WNK4: variants seen among roughly 807,000 people sequenced by gnomAD.
WNK4 encodes the protein serine/threonine-protein kinase WNK4.
In WNK4, 94 loss-of-function variants were observed where a neutral mutation model predicts 116.2. The observed-to-expected ratio is 0.81, with a 90% CI of 0.68 to 0.96. The LOEUF (loss-of-function observed/expected upper bound fraction) is 0.96, where lower values mean the gene tolerates loss of function less well. WNK4 is among the 40% of genes least tolerant of loss of function. WNK4 has a pLI of 0.00. For synonymous variants in WNK4, 655 were observed against 672.7 expected, an observed-to-expected ratio of 0.97 and a Z score of 0.41; for missense variants, 1,542 against 1,650.6, an observed-to-expected ratio of 0.93 and a Z score of 1.14.
intron 8 of WNK4, 44 bp downstream of exon 8, chr17:42,787,943 A>G (rs1362429255): frequency 8.1e-6 from 13 of 1,608,062 alleles, no homozygotes; most frequent in Non-Finnish European, 1.1e-5. Flanking sequence ...TTCCAAGCCT[A>G]TGACCTATCT....
chr17:42,787,716 C>T, intron 7 of WNK4, 62 bp from the exon 8 acceptor site: 2 of 1,604,102 alleles, frequency 1.2e-6, no homozygotes, highest in Non-Finnish European at 1.7e-6. Flanking sequence ...TAGGCAGGCC[C>T]CATCCTCTGC....
At position 42,783,015 on chromosome 17, in the gene WNK4, T is replaced by C; in HGVS notation, c.791+85T>C. On this transcript the variant is annotated intron_variant, in intron 2 of 18. Transcript: ENST00000246914. ...CTGAACTCCCAGGCTCCTCAAACTC[T>C]CTAATATCCAGGTGTAAAACCAGGT... 3 of 1,533,042 alleles carry C rather than the reference T, an allele frequency of 2.0e-6. No individual in the cohort carries two copies. In the Admixed American group the frequency reaches 5.8e-5, roughly 29 times the overall value. 95.0% of individuals were successfully genotyped at this position (1,533,042 alleles called of 1,614,324 possible).
At chr17:42,794,440 G>A in intron 12 of WNK4, 174 bp from the exon 13 acceptor site, 1 of 686,998 alleles carries the variant, frequency 1.5e-6, no homozygotes. Flanking sequence ...GTAAGTTGCA[G>A]ACATCATGCC....
Position 42,788,155 on chromosome 17 carries a change from C to T in WNK4, c.1889C>T (p.Ser630Phe). Reference sequence around the variant, plus strand: ...GCTTTTGCCCTATCCATTCCACGTTCTGGCCCTGGAAGTGACTTTTCCCCC... The same window carrying T: ...GCTTTTGCCCTATCCATTCCACGTTTTGGCCCTGGAAGTGACTTTTCCCCC... ...PSAFALSIPR[S>F]GPGSDFSPGD... The change falls in exon 9 of 19, where the codon TCT becomes TTT. Residue 630 changes from serine to phenylalanine, a missense_variant. By Grantham distance (155) the Ser-to-Phe change is radical (BLOSUM62 -2). Transcript: ENST00000246914. 6.2e-7 allele frequency: 1 copy of T among 1,614,206 alleles called. No homozygotes were observed. Among genetic ancestry groups the T allele is most frequent in the Non-Finnish European group, 8.5e-7 (1 of 1,180,048 alleles).
chr17:42,788,076 C>G, intron 8 of WNK4, 54 bp from the exon 9 acceptor site: 2 of 1,606,384 alleles, frequency 1.2e-6, no homozygotes, highest in South Asian at 2.2e-5. Context: ...CACCATCTCC[C>G]TAGATCTCAA....
rs1250472784 is a variant in WNK4, at chr17:42,784,572, T to G, written c.1163T>G (p.Val388Gly). The G allele has an allele frequency of 6.2e-7, 1 of 1,613,890 alleles. No individual in the cohort carries two copies. The highest frequency in any genetic ancestry group is 8.5e-7 in the Non-Finnish European group (1 of 1,180,016). ...CQNAAQIYRK[V>G]TSGRKPNSFH... ...AATGCCGCGCAAATCTACCGCAAGG[T>G]CACTTCGGTGAGAGGGATGGGGCTG... The change falls in exon 4 of 19, where the codon GTC (valine) becomes GGC (glycine). Residue 388 changes from valine (V) to glycine (G), a missense_variant. This residue lies in a region of WNK4 where 808 missense variants were observed against 873.6 expected (regional missense o/e 0.92). Coordinates refer to ENST00000246914, the MANE Select transcript of WNK4 (RefSeq NM_032387.5). This position sits in a 1 kb window ranked among gnomAD's most constrained non-coding sequence, Gnocchi z 4.4.
At position 42,794,801 on chromosome 17, in the gene WNK4, C is replaced by T. The variant is rs2054644682; in HGVS notation, c.2380C>T (p.His794Tyr). Residue 794 changes from histidine to tyrosine, a missense_variant, in exon 14 of 19, where the codon CAC (histidine) becomes TAC (tyrosine). Coordinates refer to ENST00000246914, the MANE Select transcript of WNK4 (RefSeq NM_032387.5). ...EELQSSTSLE[H>Y]RSWTAFSTSS... ...GCTCCAGAGCAGCACCTCCCTGGAG[C>T]ACAGGAGCTGGACAGCCTTCTCCAC... 6.2e-7 allele frequency: 1 copy of T among 1,614,060 alleles called. No homozygotes were observed. The highest frequency in any genetic ancestry group is 8.5e-7 in the Non-Finnish European group (1 of 1,179,998).
In WNK4 at chr17:42,784,059, G is replaced by A; in HGVS notation, c.914G>A (p.Cys305Tyr). ...VPPILHRDLK[C>Y]DNVFITGPTG... ...CCCATCCTGCACCGGGATCTCAAGT[G>A]CGACAATGTCTTTATCACGGGACCT... is the stretch of plus-strand genomic sequence containing the variant. The change falls in exon 3 of 19, where the codon TGC (cysteine) becomes TAC (tyrosine). Residue 305 changes from cysteine (C) to tyrosine (Y), a missense_variant. Transcript: ENST00000246914. The surrounding 1 kb of genome is among the most constrained non-coding windows in gnomAD (Gnocchi z 4.4). 1 of 1,613,774 alleles carries A rather than the reference G, an allele frequency of 6.2e-7. No homozygotes were observed. Among genetic ancestry groups the A allele is most frequent in the Admixed American group, 1.7e-5 (1 of 60,028 alleles).
intron 11 of WNK4, 147 bp downstream of exon 11, chr17:42,788,944 C>T (rs1441731510): frequency 2.8e-6 from 2 of 725,038 alleles, no homozygotes; most frequent in Non-Finnish European, 4.9e-6. Flanking sequence ...CTGAAGATGT[C>T]TCAGCCCTTG....
In WNK4 at chr17:42,782,650, A is replaced by C. The variant is rs1294969065; in HGVS notation, c.619-108A>C. On this transcript the variant is annotated intron_variant, in intron 1 of 18. Coordinates refer to ENST00000246914, the MANE Select transcript of WNK4 (RefSeq NM_032387.5). The surrounding 1 kb of genome is among the most constrained non-coding windows in gnomAD (Gnocchi z 4.2). ...CAAGTAATCCCATTAACCCCACCCCATCTGTGGGCTCCAACCCTCACCTCT... is the reference window on the plus strand; with the variant it reads ...CAAGTAATCCCATTAACCCCACCCCCTCTGTGGGCTCCAACCCTCACCTCT... 7.7e-7 allele frequency: 1 copy of C among 1,296,322 alleles called. No homozygotes were observed. The highest frequency in any genetic ancestry group is 1.1e-6 in the Non-Finnish European group (1 of 921,870). The allele number at this position is 1,296,322 out of a possible 1,614,324, so 80.3% of individuals were successfully genotyped here. A position where few individuals can be genotyped will look rare whatever the true frequency, so the allele number is the denominator to read the frequency against.
chr17:42,782,430 G>C lies in WNK4; in HGVS notation c.619-328G>C, dbSNP rs1038003466. On this transcript the variant is annotated intron_variant, in intron 1 of 18. Coordinates refer to ENST00000246914, the MANE Select transcript of WNK4 (RefSeq NM_032387.5). This position sits in a 1 kb window ranked among gnomAD's most constrained non-coding sequence, Gnocchi z 4.2. ...GCCTGCTCACTGCCAGCCCCCGGGT[G>C]CCCCCTCCCGCCCCATGGCCGGCCT... is the stretch of plus-strand genomic sequence containing the variant. 2.0e-5 allele frequency among the ~76,000 whole-genome samples: 3 copies of C among 152,184 alleles called. No homozygotes were observed. The highest frequency in any genetic ancestry group is 2.0e-4 in the Admixed American group (3 of 15,276).
In WNK4 at chr17:42,796,409, G is replaced by T. The variant is rs568654818; in HGVS notation, c.3632-72G>T. The T allele has an allele frequency of 1.7e-4, 274 of 1,612,706 alleles. 3 individuals are homozygous for T. Among genetic ancestry groups the T allele is most frequent in the Non-Finnish European group, 4.4e-5 (52 of 1,179,094 alleles). On this transcript the variant is annotated intron_variant, in intron 17 of 18. Coordinates refer to ENST00000246914, the MANE Select transcript of WNK4 (RefSeq NM_032387.5). ...TCTCCAGGCCCTGGGGGTCTGCCCC[G>T]GGGGAATAGACCCCCTCTCCCCACC...
rs2054540216 is a variant in WNK4 at position 42,785,617 on chromosome 17, G to A, written c.1476+135G>A. On this transcript the variant is annotated intron_variant, in intron 6 of 18. Coordinates refer to ENST00000246914, the MANE Select transcript of WNK4 (RefSeq NM_032387.5). ...CACCTCACCCCTCTCAAAATCTCCT[G>A]CAGCGTCTCCCTACCTCTCCAGCCC... 4.4e-6 allele frequency: 5 copies of A among 1,130,198 alleles called. No individual in the cohort carries two copies. The South Asian group carries it at 7.1e-5, about 16-fold the overall frequency. The allele number at this position is 1,130,198 out of a possible 1,614,324, so 70.0% of individuals were successfully genotyped here.
At chr17:42,788,902 T>TA in intron 11 of WNK4, 105 bp downstream of exon 11, 1 of 940,290 alleles carries the variant, frequency 1.1e-6, no homozygotes, top group Non-Finnish European at 1.7e-6. Flanking sequence ...CAAGCATTTT[T>TA]AAATCTCTGG....
intron 13 of WNK4, 45 bp from the exon 14 acceptor site, chr17:42,794,727 C>T: frequency 6.2e-7 from 1 of 1,613,894 alleles, no homozygotes; most frequent in Non-Finnish European, 8.5e-7. Flanking sequence ...CTGGGAAGGG[C>T]ATAGGGCATG....
Position 42,787,865 on chromosome 17 carries a change from C to T in WNK4, c.1829C>T (p.Ser610Phe), listed in dbSNP as rs377697081. ...CTTCAGCCCCCTGGGGGGGTGCCAT[C>T]CAGCCTGGCTGAGTCCCATCTCTGC... ...PALQPPGGVP[S>F]SLAESHLCLP... Residue 610 changes from serine (S) to phenylalanine (F), a missense_variant, in exon 8 of 19, where the codon TCC becomes TTC. This residue lies in a region of WNK4 where 808 missense variants were observed against 873.6 expected (regional missense o/e 0.92). Coordinates refer to ENST00000246914, the MANE Select transcript of WNK4 (RefSeq NM_032387.5). 6.0e-5 allele frequency: 97 copies of T among 1,611,518 alleles called. No homozygotes were observed. Among genetic ancestry groups the T allele is most frequent in the Non-Finnish European group, 7.5e-5 (89 of 1,180,032 alleles).
At position 42,782,684 on chromosome 17, in the gene WNK4, C is replaced by T; in HGVS notation, c.619-74C>T. 1.3e-6 allele frequency: 2 copies of T among 1,573,922 alleles called. No homozygotes were observed. The highest frequency in any genetic ancestry group is 1.7e-6 in the Non-Finnish European group (2 of 1,153,110). ...CTCCAACCCTCACCTCTTCCCCCAACCCCACTCCAGGTGTCCCTCTTCCTT... is the reference window on the plus strand; with the variant it reads ...CTCCAACCCTCACCTCTTCCCCCAATCCCACTCCAGGTGTCCCTCTTCCTT... On this transcript the variant is annotated intron_variant, in intron 1 of 18. Transcript: ENST00000246914. The surrounding 1 kb of genome is among the most constrained non-coding windows in gnomAD (Gnocchi z 4.2).
intron 12 of WNK4, chr17:42,793,938 C>T (rs1010440858): frequency 1.2e-5 from 7 of 578,972 alleles, no homozygotes; most frequent in Non-Finnish European, 1.2e-5. Flanking sequence ...CTGCAAGCTC[C>T]GCCTCCCGGG....
In WNK4 at chr17:42,796,508, G is replaced by C. The variant is rs756125712; in HGVS notation, c.3659G>C (p.Gly1220Ala). ...PGIMRRNSLS[G>A]SSTGSQEQRA... ...ATCATGCGAAGGAACTCTCTGAGTGGCAGCAGCACCGGCTCCCAGGAGCAG... is the reference window on the plus strand; with the variant it reads ...ATCATGCGAAGGAACTCTCTGAGTGCCAGCAGCACCGGCTCCCAGGAGCAG... Residue 1220 changes from glycine (G) to alanine (A), a missense_variant, in exon 18 of 19, where the codon GGC becomes GCC. Physicochemically the swap from Gly to Ala is moderately conservative, Grantham distance 60 (BLOSUM62 0). Transcript: ENST00000246914. 3.1e-6 allele frequency: 5 copies of C among 1,613,918 alleles called. No homozygotes were observed. Among genetic ancestry groups the C allele is most frequent in the Non-Finnish European group, 4.2e-6 (5 of 1,179,900 alleles).
Sources: gnomAD v4.1 joint callset for allele counts (sites outside exome capture counted in the v4.1 genomes callset) on GRCh38, gnomAD v4.1.1 for gene constraint, gnomAD v4.1.1 regional missense constraint, Gnocchi (gnomAD v3.1) non-coding constraint, MANE v1.5 for transcripts, NCBI Gene and HGNC (gene_info 2026-07-23, HGNC 2026-07-21) for gene names.